TEX11: variants seen among roughly 807,000 people sequenced by gnomAD.
TEX11 encodes the protein testis expressed 11, also known as testis-expressed protein 11.
A neutral mutation model predicts 84.4 loss-of-function variants in TEX11; 7 were observed. That is an observed-to-expected ratio of 0.08 (90% CI 0.05 to 0.16). The LOEUF is 0.16. Ranked by LOEUF, TEX11 falls within the 10% of genes least tolerant of loss-of-function variation. The probability of loss-of-function intolerance (pLI) is 1.00; values close to 1 mark genes in which losing one functional copy is unlikely to be tolerated. For synonymous variants in TEX11, 264 were observed against 222.8 expected (o/e 1.18, Z -1.64); for missense variants, 551 against 660.5 (o/e 0.83, Z 1.82).
intron 11 of TEX11, among the ~76,000 whole-genome samples, chrX:70,731,644 A>C (rs1223057324): frequency 3.0e-4 from 33 of 111,604 alleles, no homozygotes; most frequent in East Asian, 5.6e-4. Flanking sequence ...ACAGGCTCTA[A>C]AATTGAGGCA....
chrX:70,828,449 C>T (rs1463961909), intron 8 of TEX11, among the ~76,000 whole-genome samples: 1 of 109,833 alleles, frequency 9.1e-6, no homozygotes, highest in African/African-American at 3.3e-5. Context: ...AATTGACATG[C>T]TTAAGAATGC....
intron 25 of TEX11, among the ~76,000 whole-genome samples, chrX:70,579,332 C>CA (rs35742145): frequency 0.15 from 13,550 of 91,899 alleles, 925 homozygotes; most frequent in Middle Eastern, 0.2. Context: ...ACTAAAAATA[C>CA]AAAAAAAAAA....
At chrX:70,658,389 C>T (rs1343552794) in intron 16 of TEX11, among the ~76,000 whole-genome samples, 1 of 111,303 alleles carries the variant, frequency 9.0e-6, no homozygotes, top group Non-Finnish European at 1.9e-5. Context: ...TGCTCTCCAG[C>T]CTGGGCGACA....
At chrX:70,766,060 T>G (rs992869430) in intron 9 of TEX11, among the ~76,000 whole-genome samples, 5 of 111,804 alleles carry the variant, frequency 4.5e-5, no homozygotes, top group African/African-American at 1.3e-4. Context: ...TAAACATCTA[T>G]GAATTAACCA....
At chrX:70,649,862 C>A (rs2089791680) in intron 17 of TEX11, among the ~76,000 whole-genome samples, 2 of 111,753 alleles carry the variant, frequency 1.8e-5, no homozygotes, top group Admixed American at 9.5e-5. Context: ...AAACTTTGAA[C>A]TTGTCTCAGA....
At chrX:70,747,407 T>C (rs1702620979) in intron 9 of TEX11, among the ~76,000 whole-genome samples, 1 of 112,192 alleles carries the variant, frequency 8.9e-6, no homozygotes, top group Admixed American at 9.5e-5. Flanking sequence ...TCCAGCCAAG[T>C]GACTGAACAA....
In TEX11 at chrX:70,700,900, C is replaced by T. The variant is rs776500674; in HGVS notation, c.1005-18075G>A. ...TAGTGGTCTGGATAGAAGATCAACC[C>T]CAGCCACAGCACGTTCTTGAGCCAA... is the stretch of plus-strand genomic sequence containing the variant. On this transcript the variant is annotated intron_variant, in intron 13 of 29. Coordinates refer to ENST00000374333, the MANE Select transcript of TEX11 (RefSeq NM_031276.3). Among the ~76,000 whole-genome samples, 130 of 111,949 alleles carry T rather than the reference C, an allele frequency of 1.2e-3. 2 individuals are homozygous for T. The highest frequency in any genetic ancestry group is 2.1e-3 in the Non-Finnish European group (111 of 53,146).
chrX:70,678,295 AAC>A (rs2090091980), intron 15 of TEX11, among the ~76,000 whole-genome samples: 1 of 111,120 alleles, frequency 9.0e-6, no homozygotes, highest in Middle Eastern at 4.2e-3. Context: ...AGTGGAAGCA[AAC>A]ACAACTTTTT....
intron 13 of TEX11, among the ~76,000 whole-genome samples, chrX:70,720,764 CAT>C (rs10539530): frequency 0.55 from 55,483 of 100,527 alleles, 12,355 homozygotes; most frequent in Middle Eastern, 0.73. Context: ...ATATTATATA[CAT>C]ATATATAATA....
At chrX:70,536,788 G>A (rs772533692) in intron 28 of TEX11, among the ~76,000 whole-genome samples, 1 of 111,930 alleles carries the variant, frequency 8.9e-6, no homozygotes, top group Non-Finnish European at 1.9e-5. Context: ...AAATGTTTTG[G>A]TTCATTTTCT....
chrX:70,897,681 A>AAGAAAGAAAG (rs2091779384), intron 2 of TEX11: 2 of 17,948 alleles, frequency 1.1e-4, no homozygotes, highest in Non-Finnish European at 2.8e-4. Context: ...AAGAAAGAAA[A>AAGAAAGAAAG]AGAAAGAAAG....
chrX:70,704,801 A>C (rs1255836472), intron 13 of TEX11, among the ~76,000 whole-genome samples: 1 of 111,057 alleles, frequency 9.0e-6, no homozygotes, highest in African/African-American at 3.3e-5. Flanking sequence ...GCTAATTTGT[A>C]TGACTTATGG....
chrX:70,778,527 T>C (rs1029324292), intron 9 of TEX11, among the ~76,000 whole-genome samples: 4 of 111,475 alleles, frequency 3.6e-5, no homozygotes, highest in Non-Finnish European at 5.6e-5. Flanking sequence ...CTATCATAGC[T>C]CACTGTAGCC....
intron 27 of TEX11, 27 bp downstream of exon 27, chrX:70,553,279 C>T: frequency 9.4e-7 from 1 of 1,067,709 alleles, no homozygotes; most frequent in Non-Finnish European, 1.3e-6. Flanking sequence ...TTTTGGCTAG[C>T]AAAAAGGCTG....
chrX:70,798,700 A>G (rs2091169977), intron 9 of TEX11, among the ~76,000 whole-genome samples: 1 of 112,256 alleles, frequency 8.9e-6, no homozygotes, highest in Non-Finnish European at 1.9e-5. Context: ...TTTATGGGCA[A>G]CTGATGATCA....
chrX:70,682,784 C>T lies in TEX11; in HGVS notation c.1046G>A (p.Arg349His), dbSNP rs201471690. 1.5e-5 allele frequency: 18 copies of T among 1,207,905 alleles called. No individual in the cohort carries two copies. The highest frequency in any genetic ancestry group is 1.2e-4 in the African/African-American group (7 of 57,143). ...GFHFLTIIHE[R>H]FKSSENIGKV... ...TCCAATATTTTCCGATGACTTAAAACGTTCATGAATAATCGTCAGGAAATG... is the reference window on the plus strand; with the variant it reads ...TCCAATATTTTCCGATGACTTAAAATGTTCATGAATAATCGTCAGGAAATG... Residue 349 changes from arginine (R) to histidine (H), a missense_variant, in exon 14 of 30, where the codon CGT (arginine) becomes CAT (histidine). By Grantham distance (29) the Arg-to-His change is conservative. Coordinates refer to ENST00000374333, the MANE Select transcript of TEX11 (RefSeq NM_031276.3).
intron 9 of TEX11, among the ~76,000 whole-genome samples, chrX:70,792,337 TATATATATATATATATATATACAC>T (rs1312652166): frequency 0.16 from 1,869 of 12,046 alleles, 215 homozygotes; most frequent in East Asian, 0.52. Context: ...TATATATATA[TATATATATATATATATATATACAC>T]ACACAAATAT....
intron 2 of TEX11, among the ~76,000 whole-genome samples, chrX:70,902,084 C>A (rs1318291838): frequency 9.0e-6 from 1 of 111,468 alleles, no homozygotes; most frequent in Non-Finnish European, 1.9e-5. Context: ...ATCCCGTCTC[C>A]ACAGAAAAAT....
intron 9 of TEX11, among the ~76,000 whole-genome samples, chrX:70,788,963 TATATATATATAGAGAGAGAGAGAGAG>T (rs1396879286): frequency 2.3e-5 from 1 of 43,803 alleles, no homozygotes; most frequent in Non-Finnish European, 3.8e-5. Context: ...TATATATATA[TATATATATATAGAGAGAGAGAGAGAG>T]AGAGAGAGAG....
Sources: gnomAD v4.1 joint callset for allele counts (sites outside exome capture counted in the v4.1 genomes callset) on GRCh38, gnomAD v4.1.1 for gene constraint, MANE v1.5 for transcripts, NCBI Gene and HGNC (gene_info 2026-07-23, HGNC 2026-07-21) for gene names.